Variants in NRDE2 observed in about 807,000 individuals in gnomAD.
NRDE2 encodes the protein NRDE-2, necessary for RNA interference, domain containing.
NRDE2 carries 76 observed loss-of-function variants against 124.2 expected under a neutral mutation model. The ratio of observed to expected loss-of-function variants is 0.61; its 90% CI spans 0.51 to 0.74. The LOEUF (loss-of-function observed/expected upper bound fraction) is 0.74. Ranked by LOEUF, NRDE2 falls within the 30% of genes least tolerant of loss-of-function variation. The pLI, the probability that NRDE2 is intolerant of heterozygous loss-of-function variation, is 0.00. For missense variants in NRDE2, 1,314 were observed against 1,417.3 expected, an observed-to-expected ratio of 0.93 and a Z score of 1.17; for synonymous variants, 489 against 528.1, an observed-to-expected ratio of 0.93 and a Z score of 1.01.
At position 90,271,869 on chromosome 14, in the gene NRDE2, T is replaced by A. The variant is rs1460235436; in HGVS notation, c.*6467A>T. 6.5e-6 allele frequency: 1 copy of A among 153,076 alleles called. No individual in the cohort carries two copies. Among genetic ancestry groups the A allele is most frequent in the African/African-American group, 2.4e-5 (1 of 41,306 alleles). 9.5% of individuals were successfully genotyped at this position (153,076 alleles called of 1,614,324 possible). A position where few individuals can be genotyped will look rare whatever the true frequency, so the allele number is the denominator to read the frequency against. On this transcript the variant is annotated 3_prime_UTR_variant, in exon 14 of 14. Coordinates refer to ENST00000354366, the MANE Select transcript of NRDE2 (RefSeq NM_017970.4). ...AAGCAATTTGTGTTTAGTCTAGGTG[T>A]CTCATGCTTTATTTCAGAACAGATT...
At chr14:90,296,696 T>C (rs1479307830) in intron 8 of NRDE2, among the ~76,000 whole-genome samples, 1 of 152,216 alleles carries the variant, frequency 6.6e-6, no homozygotes, top group African/African-American at 2.4e-5. Context: ...ACTCTTTCCC[T>C]ATAGAACTTT....
At chr14:90,298,686 G>C (rs929356751) in intron 7 of NRDE2, among the ~76,000 whole-genome samples, 1 of 152,120 alleles carries the variant, frequency 6.6e-6, no homozygotes, top group Non-Finnish European at 1.5e-5. Flanking sequence ...GGTCACTCCC[G>C]GGATTAGGTT....
Position 90,292,846 on chromosome 14 carries a change from C to G in NRDE2, c.1693G>C (p.Asp565His). 1 of 1,614,072 alleles carries G rather than the reference C, an allele frequency of 6.2e-7. No homozygotes were observed. The highest frequency in any genetic ancestry group is 8.5e-7 in the Non-Finnish European group (1 of 1,179,950). ...GTCTTATCTTTTATTTCCTGGTCATCCTCTTCTGGTTCATCGTCATCCTCA... is the reference window on the plus strand; with the variant it reads ...GTCTTATCTTTTATTTCCTGGTCATGCTCTTCTGGTTCATCGTCATCCTCA... Reference protein sequence around the residue: ...PDEDDDEPEEDDQEIKDKTLP... With the variant: ...PDEDDDEPEEHDQEIKDKTLP... Residue 565 changes from aspartate to histidine, a missense_variant, in exon 9 of 14, where the codon GAT (aspartate) becomes CAT (histidine). Transcript: ENST00000354366.
chr14:90,298,364 G>T lies in NRDE2; in HGVS notation c.1562C>A (p.Pro521His). The T allele has an allele frequency of 6.2e-7, 1 of 1,613,692 alleles. No homozygotes were observed. Among genetic ancestry groups the T allele is most frequent in the Non-Finnish European group, 8.5e-7 (1 of 1,179,984 alleles). The change falls in exon 8 of 14, where the codon CCC becomes CAC. Residue 521 changes from proline to histidine, a missense_variant. Coordinates refer to ENST00000354366, the MANE Select transcript of NRDE2 (RefSeq NM_017970.4). Reference protein sequence around the residue: ...PTKGQVEFFEPFWDSGEPRAG... With the variant: ...PTKGQVEFFEHFWDSGEPRAG... ...CCGGGGCTCTCCACTGTCCCAAAAG[G>T]GTTCAAAGAATTCCACCTGTTCAGA...
chr14:90,313,573 A>G (rs1595073162), intron 3 of NRDE2, among the ~76,000 whole-genome samples: 1 of 152,284 alleles, frequency 6.6e-6, no homozygotes, highest in East Asian at 1.9e-4. Context: ...GCAGACTTTC[A>G]GCTCAGATCC....
Position 90,269,956 on chromosome 14 carries a change from C to A in NRDE2, c.*8380G>T. Reference sequence around the variant, plus strand: ...TCTGCCCAGTTTCACTCAGGAATTGCTCCTTTCATTTATTTCTGAAGGTAC... The same window carrying A: ...TCTGCCCAGTTTCACTCAGGAATTGATCCTTTCATTTATTTCTGAAGGTAC... On this transcript the variant is annotated 3_prime_UTR_variant, in exon 14 of 14. Coordinates refer to ENST00000354366, the MANE Select transcript of NRDE2 (RefSeq NM_017970.4). The A allele has an allele frequency of 2.1e-6, 1 of 482,528 alleles. No homozygotes were observed. The highest frequency in any genetic ancestry group is 3.6e-6 in the Non-Finnish European group (1 of 275,222). The allele number at this position is 482,528 out of a possible 1,614,324, so 29.9% of individuals were successfully genotyped here. A position where few individuals can be genotyped will look rare whatever the true frequency, so the allele number is the denominator to read the frequency against.
intron 1 of NRDE2, among the ~76,000 whole-genome samples, chr14:90,324,398 G>A (rs773615289): frequency 3.3e-5 from 5 of 152,088 alleles, no homozygotes; most frequent in Non-Finnish European, 4.4e-5. Flanking sequence ...ATTTTAGGCC[G>A]GGCGGGGTGG....
rs10184 is a variant in NRDE2 at position 90,278,328 on chromosome 14, G to A, written c.*8C>T. The A allele has an allele frequency of 0.38, 609,854 of 1,613,524 alleles. 119,248 individuals are homozygous for A. The highest frequency in any genetic ancestry group is 0.51 in the East Asian group (23,018 of 44,822). On this transcript the variant is annotated 3_prime_UTR_variant, in exon 14 of 14. Transcript: ENST00000354366. The stretch of plus-strand genomic sequence containing the variant: ...CCTCGCAGGCACAGCCCGTTTTCCC[G>A]CTGCTCTCTAATCCTCCAGCAGCAG...
intron 1 of NRDE2, among the ~76,000 whole-genome samples, chr14:90,320,348 A>C (rs1885198072): frequency 6.6e-6 from 1 of 152,202 alleles, no homozygotes; most frequent in South Asian, 2.1e-4. Context: ...AAGAGTAAAG[A>C]GCAAAGGGGG....
At position 90,274,819 on chromosome 14, in the gene NRDE2, CACACACACACACACA is replaced by C; in HGVS notation, c.*3502_*3516del. The C allele has an allele frequency of 9.0e-6, 1 of 111,156 alleles. No individual in the cohort carries two copies. The highest frequency in any genetic ancestry group is 3.2e-4 in the East Asian group (1 of 3,124). The allele number at this position is 111,156 out of a possible 1,614,324, so 6.9% of individuals were successfully genotyped here. On this transcript the variant is annotated 3_prime_UTR_variant, in exon 14 of 14. Transcript: ENST00000354366. ...ACACACACACACACACACACACACA[CACACACACACACACA>C]CACACCCCAATACATATGAATTGAT...
intron 4 of NRDE2, among the ~76,000 whole-genome samples, chr14:90,305,728 C>T (rs932073243): frequency 1.3e-5 from 2 of 152,064 alleles, no homozygotes; most frequent in East Asian, 3.9e-4. Flanking sequence ...CAGGTAAAAA[C>T]GAATTGAGGG....
At chr14:90,307,509 T>C (rs570474510) in intron 4 of NRDE2, among the ~76,000 whole-genome samples, 4 of 152,238 alleles carry the variant, frequency 2.6e-5, no homozygotes, top group Admixed American at 2.0e-4. Flanking sequence ...GTGGATCAAT[T>C]AAGGCCAGGA....
rs1046269269 is a variant in NRDE2 at position 90,285,296 on chromosome 14, G to A, written c.3297+1058C>T. Among the ~76,000 whole-genome samples the A allele has an allele frequency of 1.5e-5, 2 of 133,356 alleles. 1 individual carries two copies. The highest frequency in any genetic ancestry group is 5.4e-5 in the African/African-American group (2 of 37,084). 87.5% of individuals were successfully genotyped at this position (133,356 alleles called of 152,430 possible). A position where few individuals can be genotyped will look rare whatever the true frequency, so the allele number is the denominator to read the frequency against. On this transcript the variant is annotated intron_variant, in intron 12 of 13. Transcript: ENST00000354366. ...AAAAAAAAAAAAAAAAAAAGGAAAT[G>A]TTGATTTTTTTTTTCTTTTTTTTGA...
Position 90,290,329 on chromosome 14 carries a change from T to C in NRDE2, c.2121A>G (p.Arg707=), listed in dbSNP as rs1381299979. The C allele has an allele frequency of 1.9e-6, 3 of 1,614,100 alleles. No individual in the cohort carries two copies. Among genetic ancestry groups the C allele is most frequent in the Non-Finnish European group, 1.7e-6 (2 of 1,180,026 alleles). The change falls in exon 10 of 14, where the codon CGA becomes CGG. Residue 707 remains arginine (R), a synonymous_variant. Transcript: ENST00000354366. ...GYPRWTRGQN[R]EGEEFIRNVF... Reference sequence around the variant, plus strand: ...CATTGCGGATGAACTCCTCGCCCTCTCGGTTCTGACCCCTGGTCCAGCGAG... The same window carrying C: ...CATTGCGGATGAACTCCTCGCCCTCCCGGTTCTGACCCCTGGTCCAGCGAG...
At chr14:90,298,643 T>A (rs1012572837) in intron 7 of NRDE2, among the ~76,000 whole-genome samples, 8 of 152,154 alleles carry the variant, frequency 5.3e-5, no homozygotes, top group Non-Finnish European at 1.2e-4. Context: ...ACCTAGTGAT[T>A]CCAACACACA....
chr14:90,307,495 G>A (rs568366873), intron 4 of NRDE2, among the ~76,000 whole-genome samples: 190 of 152,302 alleles, frequency 1.2e-3, no homozygotes, highest in African/African-American at 3.6e-3. Flanking sequence ...AGAGGCCGAG[G>A]TGGGTGGATC....
At chr14:90,285,270 TAA>T (rs796590562) in intron 12 of NRDE2, among the ~76,000 whole-genome samples, 331 of 105,988 alleles carry the variant, frequency 3.1e-3, no homozygotes, top group African/African-American at 0.01. Context: ...GACCTTGTCT[TAA>T]AAAAAAAAAA....
At chr14:90,283,651 C>T (rs1172223801) in intron 12 of NRDE2, among the ~76,000 whole-genome samples, 1 of 151,944 alleles carries the variant, frequency 6.6e-6, no homozygotes, top group Non-Finnish European at 1.5e-5. Context: ...ACCATAAGAT[C>T]AGAGCTTCTG....
chr14:90,311,747 C>T (rs1195544219), intron 4 of NRDE2, among the ~76,000 whole-genome samples: 1 of 151,506 alleles, frequency 6.6e-6, no homozygotes, highest in African/African-American at 2.4e-5. Context: ...ATAAAATACA[C>T]TAATACTAAT....
Sources: gnomAD v4.1 joint callset for allele counts (sites outside exome capture counted in the v4.1 genomes callset) on GRCh38, gnomAD v4.1.1 for gene constraint, MANE v1.5 for transcripts, NCBI Gene and HGNC (gene_info 2026-07-23, HGNC 2026-07-21) for gene names.